OTUB1: variants seen among roughly 807,000 people sequenced by gnomAD.
OTUB1 encodes the protein ubiquitin thioesterase OTUB1.
In OTUB1, 10 loss-of-function variants were observed where a neutral mutation model predicts 35.8. That is an observed-to-expected ratio of 0.28 (90% CI 0.17 to 0.47). OTUB1 has a LOEUF of 0.47. Ranked by LOEUF, OTUB1 falls within the 20% of genes least tolerant of loss-of-function variation. The probability of loss-of-function intolerance (pLI) is 0.99; values close to 1 mark genes in which losing one functional copy is unlikely to be tolerated. For missense variants in OTUB1, 264 were observed against 351.6 expected (o/e 0.75, Z 1.99); for synonymous variants, 158 against 143.8 (o/e 1.10, Z -0.71).
intron 3 of OTUB1, among the ~76,000 whole-genome samples, chr11:63,991,874 C>A (rs1405512806): frequency 6.6e-6 from 1 of 152,152 alleles, no homozygotes; most frequent in Non-Finnish European, 1.5e-5. Flanking sequence ...AAAGAGGGCT[C>A]TGGGACATGT....
At chr11:63,996,431 T>C (rs1942717339) in intron 3 of OTUB1, 99 bp from the exon 4 acceptor site, 10 of 1,343,026 alleles carry the variant, frequency 7.4e-6, no homozygotes, top group South Asian at 2.5e-5. Context: ...GGGAGCTCAG[T>C]TGCCACCTTT....
At chr11:63,993,619 G>A (rs1164954199) in intron 3 of OTUB1, among the ~76,000 whole-genome samples, 6 of 150,292 alleles carry the variant, frequency 4.0e-5, no homozygotes, top group Non-Finnish European at 7.4e-5. Context: ...AACCGAGATC[G>A]CGCTACTGCA....
Position 63,997,950 on chromosome 11 carries a change from G to C in OTUB1, c.*404G>C, listed in dbSNP as rs1389023447. ...CTTAGGGACTTGCCCAGGGTCCCAG[G>C]GCCACCCACACTTCATCTGCTCCCT... is the stretch of plus-strand genomic sequence containing the variant. On this transcript the variant is annotated 3_prime_UTR_variant, in exon 7 of 7. Coordinates refer to ENST00000538426, the MANE Select transcript of OTUB1 (RefSeq NM_017670.3). 8.4e-6 allele frequency: 5 copies of C among 594,330 alleles called. No individual in the cohort carries two copies. The highest frequency in any genetic ancestry group is 1.5e-5 in the Non-Finnish European group (5 of 333,962). 36.8% of individuals were successfully genotyped at this position (594,330 alleles called of 1,614,324 possible).
Position 63,997,627 on chromosome 11 carries a change from A to G in OTUB1, c.*81A>G. On this transcript the variant is annotated 3_prime_UTR_variant, in exon 7 of 7. Transcript: ENST00000538426. ...GTACAGAGGTTTTTCTGTGGTTGTA[A>G]ATGGTCCTATTTCACCCCCTTCTTC... The G allele has an allele frequency of 8.1e-7, 1 of 1,240,078 alleles. No homozygotes were observed. The highest frequency in any genetic ancestry group is 1.2e-5 in the South Asian group (1 of 83,464). The allele number at this position is 1,240,078 out of a possible 1,614,324, so 76.8% of individuals were successfully genotyped here.
intron 1 of OTUB1, chr11:63,986,995 G>GAGGGGCCTGCGGGATCTGTCCC (rs1942627392): frequency 6.3e-6 from 1 of 157,634 alleles, no homozygotes; most frequent in Non-Finnish European, 1.4e-5. Flanking sequence ...CCTGGGATGT[G>GAGGGGCCTGCGGGATCTGTCCC]AGGGGCCTGC....
chr11:63,987,569 G>A (rs1045669899), intron 1 of OTUB1, among the ~76,000 whole-genome samples: 1 of 152,240 alleles, frequency 6.6e-6, no homozygotes, highest in African/African-American at 2.4e-5. Context: ...TGGTAGCCAA[G>A]GAGAGGTATT....
chr11:63,988,562 G>T, intron 2 of OTUB1, 92 bp from the exon 3 acceptor site: 2 of 1,257,694 alleles, frequency 1.6e-6, no homozygotes, highest in South Asian at 2.4e-5. Context: ...GCCACCGGGT[G>T]ACCAGCCCAG....
At chr11:63,988,503 C>G (rs969866305) in intron 2 of OTUB1, 105 bp downstream of exon 2, 28 of 1,337,304 alleles carry the variant, frequency 2.1e-5, no homozygotes, top group Non-Finnish European at 2.9e-5. Context: ...TGGAAGCTCC[C>G]TCCTCCCTAG....
chr11:63,997,396 G>T lies in OTUB1; in HGVS notation c.666G>T (p.Ala222=). The T allele has an allele frequency of 6.2e-7, 1 of 1,614,048 alleles. No homozygotes were observed. Among genetic ancestry groups the T allele is most frequent in the Non-Finnish European group, 8.5e-7 (1 of 1,180,012 alleles). ...AGAGCGACCACATCCACATCATTGC[G>T]CTGGCCCAGGCCCTCAGCGTGTCCA... ...CKESDHIHII[A]LAQALSVSIQ... Residue 222 remains alanine, a synonymous_variant, in exon 7 of 7, where the codon GCG becomes GCT. Transcript: ENST00000538426.
intron 1 of OTUB1, among the ~76,000 whole-genome samples, 163 bp from the exon 2 acceptor site, chr11:63,988,174 C>G (rs1431818499): frequency 6.6e-6 from 1 of 152,188 alleles, no homozygotes; most frequent in African/African-American, 2.4e-5. Flanking sequence ...ATTGGGAAGG[C>G]TGAGGCAGGA....
rs1295784762 is a variant in OTUB1 at position 63,997,091 on chromosome 11, C to T, written c.465C>T (p.Val155=). The change falls in exon 6 of 7, where the codon GTC becomes GTT. Residue 155 remains valine, a synonymous_variant. Transcript: ENST00000538426. ...AGCAGGTGGAGAAGCAGACCTCTGT[C>T]GCCGACCTGCTGGCCTCCTTCAATG... is the stretch of plus-strand genomic sequence containing the variant. ...LIEQVEKQTS[V]ADLLASFNDQ... 9.3e-6 allele frequency: 15 copies of T among 1,614,192 alleles called. No homozygotes were observed. The highest frequency in any genetic ancestry group is 1.3e-5 in the Non-Finnish European group (15 of 1,180,026).
rs571987880 is a variant in OTUB1, at chr11:63,995,668, T to C, written c.220-862T>C. Among the ~76,000 whole-genome samples the C allele has an allele frequency of 3.6e-4, 54 of 151,304 alleles. 1 individual carries two copies. In the South Asian group the frequency reaches 0.011, roughly 30 times the overall value. ...GAGCCTGAGGGTGGGGGTGGGCTAG[T>C]GTGGAGTGGAGAGGCAGCTTAGGTG... is the stretch of plus-strand genomic sequence containing the variant. On this transcript the variant is annotated intron_variant, in intron 3 of 6. Transcript: ENST00000538426.
chr11:63,994,797 G>A (rs1028677437), intron 3 of OTUB1, among the ~76,000 whole-genome samples: 8 of 152,234 alleles, frequency 5.3e-5, no homozygotes, highest in Non-Finnish European at 1.2e-4. Context: ...GATTGAGGGC[G>A]TTCAGCTGAC....
chr11:63,986,643 A>C, intron 1 of OTUB1, 129 bp downstream of exon 1: 1 of 702,074 alleles, frequency 1.4e-6, no homozygotes, highest in South Asian at 2.0e-5. Context: ...CCCTTCCTCC[A>C]CCTCCGCTGC....
intron 3 of OTUB1, among the ~76,000 whole-genome samples, chr11:63,993,613 G>A (rs1013676016): frequency 6.7e-6 from 1 of 150,092 alleles, no homozygotes; most frequent in Non-Finnish European, 1.5e-5. Flanking sequence ...GCAGTGAACC[G>A]AGATCGCGCT....
intron 1 of OTUB1, chr11:63,986,945 A>T (rs1025987520): frequency 5.8e-6 from 1 of 173,656 alleles, no homozygotes; most frequent in Admixed American, 6.3e-5. Flanking sequence ...GCTACGGAGC[A>T]CAAAGGTCCG....
intron 2 of OTUB1, 39 bp downstream of exon 2, chr11:63,988,437 A>T (rs1308797471): frequency 6.5e-7 from 1 of 1,540,044 alleles, no homozygotes; most frequent in Non-Finnish European, 8.8e-7. Context: ...AGTGGCCAGC[A>T]GCCCCATTGT....
chr11:63,987,207 G>C (rs1425653263), intron 1 of OTUB1, among the ~76,000 whole-genome samples: 1 of 152,226 alleles, frequency 6.6e-6, no homozygotes, highest in South Asian at 2.1e-4. Context: ...TTCTTTTGCA[G>C]AGTAGTGCGA....
chr11:63,986,602 G>A (rs1221777327), intron 1 of OTUB1, 88 bp downstream of exon 1: 252 of 1,246,348 alleles, frequency 2.0e-4, no homozygotes, highest in Non-Finnish European at 2.6e-4. Context: ...AGGCAGGGCC[G>A]CTGGCTCTGG....
Sources: gnomAD v4.1 joint callset for allele counts (sites outside exome capture counted in the v4.1 genomes callset) on GRCh38, gnomAD v4.1.1 for gene constraint, MANE v1.5 for transcripts, NCBI Gene and HGNC (gene_info 2026-07-23, HGNC 2026-07-21) for gene names.